GRK5: variants seen among roughly 807,000 people sequenced by gnomAD.
The protein encoded by GRK5 is G protein-coupled receptor kinase 5.
In GRK5, 40 loss-of-function variants were observed where a neutral mutation model predicts 78.4. That is an observed-to-expected ratio of 0.51 (90% confidence interval 0.40 to 0.66). The LOEUF (loss-of-function observed/expected upper bound fraction) is 0.66. Ranked by LOEUF, GRK5 falls within the 30% of genes least tolerant of loss-of-function variation. GRK5 has a pLI of 0.00. For synonymous variants in GRK5, 289 were observed against 296.8 expected (o/e 0.97, Z 0.27); for missense variants, 598 against 759.9 (o/e 0.79, Z 2.50).
rs975914488 is a variant in GRK5 at position 119,272,590 on chromosome 10, A to G, written c.53-53926A>G. The stretch of plus-strand genomic sequence containing the variant: ...GATTCTATCTCAAAAAAAAAAAAAA[A>G]AAAGAAAGAAAGAAAGAAACAAGAA... On this transcript the variant is annotated intron_variant, in intron 1 of 15. Transcript: ENST00000392870. Among the ~76,000 whole-genome samples, 598 of 137,088 alleles carry G rather than the reference A, an allele frequency of 4.4e-3. 2 individuals are homozygous for G. Among genetic ancestry groups the G allele is most frequent in the African/African-American group, 0.015 (569 of 36,716 alleles). The allele number at this position is 137,088 out of a possible 152,430, so 89.9% of individuals were successfully genotyped here.
At chr10:119,230,564 T>G (rs117691324) in intron 1 of GRK5, among the ~76,000 whole-genome samples, 3,118 of 152,032 alleles carry the variant, frequency 0.021, 74 homozygotes, top group South Asian at 0.062. Context: ...GAACAGCAAA[T>G]ACCTGTCCCC....
chr10:119,306,161 G>A (rs1850269113), intron 1 of GRK5, among the ~76,000 whole-genome samples: 1 of 152,142 alleles, frequency 6.6e-6, no homozygotes, highest in Non-Finnish European at 1.5e-5. Context: ...AGTCCTCTCT[G>A]GTTGGAAACA....
In GRK5 at chr10:119,459,262, G is replaced by C. The variant is rs1185843355; in HGVS notation, c.*4195G>C. The stretch of plus-strand genomic sequence containing the variant: ...GCCTGCCCTCCCCACCCACCACCCA[G>C]CTGTTGAAGCTCAGCGTGTGCAAGT... On this transcript the variant is annotated 3_prime_UTR_variant, in exon 16 of 16. Coordinates refer to ENST00000392870, the MANE Select transcript of GRK5 (RefSeq NM_005308.3). The C allele has an allele frequency of 6.6e-6, 1 of 152,262 alleles. No homozygotes were observed. The highest frequency in any genetic ancestry group is 1.5e-5 in the Non-Finnish European group (1 of 68,082). 9.4% of individuals were successfully genotyped at this position (152,262 alleles called of 1,614,324 possible). A position where few individuals can be genotyped will look rare whatever the true frequency, so the allele number is the denominator to read the frequency against.
chr10:119,210,145 T>C (rs1230290737), intron 1 of GRK5, among the ~76,000 whole-genome samples: 1 of 152,204 alleles, frequency 6.6e-6, no homozygotes, highest in Non-Finnish European at 1.5e-5. Context: ...CCTTTCACTT[T>C]TTTTTTTCCT....
intron 2 of GRK5, among the ~76,000 whole-genome samples, chr10:119,367,933 C>A (rs1224142422): frequency 6.6e-6 from 1 of 152,244 alleles, no homozygotes; most frequent in East Asian, 1.9e-4. Flanking sequence ...TAGACCCCGG[C>A]CAGTGGCCCA....
intron 1 of GRK5, among the ~76,000 whole-genome samples, chr10:119,255,339 TC>T (rs1849264581): frequency 1.3e-5 from 2 of 152,256 alleles, no homozygotes; most frequent in South Asian, 4.1e-4. Flanking sequence ...GGGGCCTTTG[TC>T]ACCAGCAGGA....
chr10:119,298,670 T>A (rs1199750107), intron 1 of GRK5, among the ~76,000 whole-genome samples: 1 of 152,018 alleles, frequency 6.6e-6, no homozygotes, highest in Non-Finnish European at 1.5e-5. Context: ...AGTGGTCAGA[T>A]CAGCTTCTTC....
chr10:119,286,382 G>T (rs371797801), intron 1 of GRK5, among the ~76,000 whole-genome samples: 55 of 152,350 alleles, frequency 3.6e-4, no homozygotes, highest in African/African-American at 1.2e-3. Context: ...TTGGGAAAAA[G>T]AGTGTTTTTG....
At chr10:119,251,098 CCT>C (rs1157972323) in intron 1 of GRK5, among the ~76,000 whole-genome samples, 1 of 149,348 alleles carries the variant, frequency 6.7e-6, no homozygotes, top group Non-Finnish European at 1.5e-5. Flanking sequence ...TCTTTCCTCC[CCT>C]CACTTTTTTT....
In GRK5 at chr10:119,449,606, C is replaced by T. The variant is rs548769480; in HGVS notation, c.1404+1346C>T. Among the ~76,000 whole-genome samples, 25 of 151,890 alleles carry T rather than the reference C, an allele frequency of 1.6e-4. No individual in the cohort carries two copies. The South Asian group carries it at 4.8e-3, about 29-fold the overall frequency. ...AGGAGTTCGAGACCAGCCTGACCAACGTGGTGAAACCCCATCTCTACTAAA... is the reference window on the plus strand; with the variant it reads ...AGGAGTTCGAGACCAGCCTGACCAATGTGGTGAAACCCCATCTCTACTAAA... On this transcript the variant is annotated intron_variant, in intron 13 of 15. Transcript: ENST00000392870.
intron 1 of GRK5, among the ~76,000 whole-genome samples, chr10:119,302,065 G>A (rs186345543): frequency 2.2e-4 from 34 of 152,330 alleles, no homozygotes; most frequent in African/African-American, 5.8e-4. Flanking sequence ...TGGCTTCCTG[G>A]ACTTTTTCCC....
At position 119,303,356 on chromosome 10, in the gene GRK5, G is replaced by A. The variant is rs1006921854; in HGVS notation, c.53-23160G>A. 5.3e-5 allele frequency among the ~76,000 whole-genome samples: 8 copies of A among 152,214 alleles called. No homozygotes were observed. In the East Asian group the frequency reaches 1.3e-3, roughly 26 times the overall value. On this transcript the variant is annotated intron_variant, in intron 1 of 15. Coordinates refer to ENST00000392870, the MANE Select transcript of GRK5 (RefSeq NM_005308.3). ...TGGAGGTGGAGGTGTTACCTTAGATGGGGCCTGGGGAGCCTCCAAGTGTGG... is the reference window on the plus strand; with the variant it reads ...TGGAGGTGGAGGTGTTACCTTAGATAGGGCCTGGGGAGCCTCCAAGTGTGG...
At chr10:119,390,298 G>A (rs1430511646) in intron 3 of GRK5, among the ~76,000 whole-genome samples, 1 of 152,194 alleles carries the variant, frequency 6.6e-6, no homozygotes, top group Admixed American at 6.5e-5. Flanking sequence ...CATGTGGCTA[G>A]GGATGCCTCA....
At chr10:119,382,841 T>A (rs575725318) in intron 3 of GRK5, among the ~76,000 whole-genome samples, 1 of 152,296 alleles carries the variant, frequency 6.6e-6, no homozygotes, top group African/African-American at 2.4e-5. Flanking sequence ...ACATTTGTTG[T>A]TCCTACAGAA....
chr10:119,364,239 G>A (rs1182195969), intron 2 of GRK5, among the ~76,000 whole-genome samples: 5 of 152,218 alleles, frequency 3.3e-5, no homozygotes, highest in Non-Finnish European at 7.3e-5. Flanking sequence ...AAGGGGGCTG[G>A]GAACTGAGAC....
Position 119,431,449 on chromosome 10 carries a change from G to A in GRK5, c.660G>A (p.Lys220=). 6.2e-7 allele frequency: 1 copy of A among 1,614,082 alleles called. No homozygotes were observed. Among genetic ancestry groups the A allele is most frequent in the East Asian group, 2.2e-5 (1 of 44,878 alleles). Residue 220 remains lysine (K), a synonymous_variant, in exon 8 of 16, where the codon AAG becomes AAA. Transcript: ENST00000392870. This position sits in a 1 kb window ranked among gnomAD's most constrained non-coding sequence, Gnocchi z 4.8. ...ATGCCTGCAAGCGCTTGGAGAAGAA[G>A]AGGATCAAAAAGAGGAAAGGGGAGT... ...KMYACKRLEK[K]RIKKRKGESM...
At chr10:119,420,180 G>A (rs1018967998) in intron 4 of GRK5, among the ~76,000 whole-genome samples, 13 of 152,170 alleles carry the variant, frequency 8.5e-5, no homozygotes, top group Admixed American at 8.5e-4. Flanking sequence ...CTCAGGATAT[G>A]ATTCAGTGAA....
At chr10:119,258,991 C>T (rs1231737898) in intron 1 of GRK5, among the ~76,000 whole-genome samples, 1 of 151,954 alleles carries the variant, frequency 6.6e-6, no homozygotes, top group African/African-American at 2.4e-5. Flanking sequence ...CCAGGTGCAA[C>T]AGTGACAGGG....
chr10:119,230,037 A>G (rs1848799703), intron 1 of GRK5, among the ~76,000 whole-genome samples: 1 of 152,104 alleles, frequency 6.6e-6, no homozygotes, highest in Admixed American at 6.5e-5. Flanking sequence ...GGGAAAGCCA[A>G]ATGGTGGTGA....
Sources: allele counts gnomAD v4.1 joint callset (sites outside exome capture counted in the v4.1 genomes callset), GRCh38; gene constraint gnomAD v4.1.1; non-coding constraint Gnocchi (gnomAD v3.1); transcripts MANE v1.5; gene names NCBI Gene and HGNC (gene_info 2026-07-23, HGNC 2026-07-21).